CD3E: variants seen among roughly 807,000 people sequenced by gnomAD.
CD3E encodes the protein CD3 epsilon subunit of T-cell receptor complex, also known as T-cell surface glycoprotein CD3 epsilon chain.
Under a neutral mutation model 34.7 loss-of-function variants are expected in CD3E, and 16 were observed. The ratio of observed to expected loss-of-function variants is 0.46; its 90% CI spans 0.31 to 0.70. The LOEUF (loss-of-function observed/expected upper bound fraction) is 0.70, where lower values mean the gene tolerates loss of function less well. CD3E is among the 30% of genes least tolerant of loss of function. CD3E has a pLI of 0.05. For synonymous variants in CD3E, 70 were observed against 90.8 expected, an observed-to-expected ratio of 0.77 and a Z score of 1.30; for missense variants, 223 against 253.9, an observed-to-expected ratio of 0.88 and a Z score of 0.83.
chr11:118,307,009 C>G (rs1948110862), intron 2 of CD3E, among the ~76,000 whole-genome samples: 1 of 152,116 alleles, frequency 6.6e-6, no homozygotes, highest in Non-Finnish European at 1.5e-5. Context: ...AAAAATGGTC[C>G]TAACTTTTTC....
At chr11:118,310,493 T>C (rs1320891983) in intron 4 of CD3E, among the ~76,000 whole-genome samples, 1 of 152,254 alleles carries the variant, frequency 6.6e-6, no homozygotes. Context: ...CCATGGTGTA[T>C]ATGCAGCACA....
At chr11:118,305,541 GATAA>G (rs919444329) in intron 2 of CD3E, among the ~76,000 whole-genome samples, 8 of 152,078 alleles carry the variant, frequency 5.3e-5, no homozygotes, top group African/African-American at 1.9e-4. Flanking sequence ...TCTCATATGA[GATAA>G]ATAATACCAA....
intron 2 of CD3E, 140 bp downstream of exon 2, chr11:118,305,141 AT>A: frequency 1.1e-6 from 1 of 877,734 alleles, no homozygotes. Flanking sequence ...AGGGTGAGGG[AT>A]TAGAGCTGGG....
chr11:118,312,896 C>A, intron 6 of CD3E, 30 bp downstream of exon 6: 2 of 1,613,690 alleles, frequency 1.2e-6, no homozygotes, highest in Non-Finnish European at 1.7e-6. Context: ...CAGGTACCAC[C>A]GGCTCTTTAG....
At chr11:118,313,281 C>A in intron 6 of CD3E, 1 of 339,888 alleles carries the variant, frequency 2.9e-6, no homozygotes, top group Non-Finnish European at 5.6e-6. Context: ...AAAATAATAA[C>A]AATACTTAAC....
intron 4 of CD3E, among the ~76,000 whole-genome samples, chr11:118,310,639 G>A (rs564267978): frequency 1.3e-5 from 2 of 152,282 alleles, no homozygotes; most frequent in Admixed American, 6.5e-5. Context: ...GTGAGCATGA[G>A]TTAAGTCTAA....
At chr11:118,307,455 C>G in intron 3 of CD3E, 147 bp downstream of exon 3, 1 of 689,428 alleles carries the variant, frequency 1.5e-6, no homozygotes, top group Non-Finnish European at 2.5e-6. Context: ...TGACTTTCCT[C>G]ACAAGTCTGG....
intron 5 of CD3E, 103 bp from the exon 6 acceptor site, chr11:118,312,515 G>A (rs1013632479): frequency 1.1e-5 from 15 of 1,335,502 alleles, no homozygotes; most frequent in Non-Finnish European, 1.6e-5. Context: ...CTAAGATCTA[G>A]ATGACAGATG....
In CD3E at chr11:118,305,002, G is replaced by A. The variant is rs147435007; in HGVS notation, c.49+1G>A. The A allele has an allele frequency of 6.2e-7, 1 of 1,613,682 alleles. No individual in the cohort carries two copies. The highest frequency in any genetic ancestry group is 8.5e-7 in the Non-Finnish European group (1 of 1,179,682). ...GTTCTGGGCCTCTGCCTCTTATCAG[G>A]TGAGTAGGATGGAGTGGAAAGGGTG... On this transcript the variant is annotated splice_donor_variant, in intron 2 of 8. Transcript: ENST00000361763. LOFTEE classifies it high-confidence loss of function.
chr11:118,313,538 A>G lies in CD3E; in HGVS notation c.353-169A>G, dbSNP rs1235611450. 4 of 684,274 alleles carry G rather than the reference A, an allele frequency of 5.8e-6. No homozygotes were observed. The East Asian group carries it at 1.1e-4, about 19-fold the overall frequency. 42.4% of individuals were successfully genotyped at this position (684,274 alleles called of 1,614,324 possible). On this transcript the variant is annotated intron_variant, in intron 6 of 8. Coordinates refer to ENST00000361763, the MANE Select transcript of CD3E (RefSeq NM_000733.4). ...TCCAGTGCCTCTACCCACGGCCACC[A>G]CTCTTTGCTTGTCAATGTTGTTCTA...
At chr11:118,314,581 GCCAGATGCCTCA>G in intron 8 of CD3E, 87 bp downstream of exon 8, 1 of 1,234,842 alleles carries the variant, frequency 8.1e-7, no homozygotes, top group East Asian at 2.4e-5. Flanking sequence ...CATCTTGTCT[GCCAGATGCCTCA>G]AAGCCCCTCA....
At chr11:118,306,660 G>T (rs1320825081) in intron 2 of CD3E, among the ~76,000 whole-genome samples, 2 of 151,976 alleles carry the variant, frequency 1.3e-5, no homozygotes, top group Non-Finnish European at 2.9e-5. Flanking sequence ...AAAGGCCTAG[G>T]TGTGCAGAAA....
At chr11:118,312,313 C>A in intron 5 of CD3E, 143 bp downstream of exon 5, 2 of 870,110 alleles carry the variant, frequency 2.3e-6, no homozygotes, top group Non-Finnish European at 3.9e-6. Flanking sequence ...AGAAAGGTTC[C>A]AAATAGGGAC....
intron 4 of CD3E, among the ~76,000 whole-genome samples, chr11:118,310,228 A>G (rs1435215812): frequency 1.3e-5 from 2 of 152,174 alleles, no homozygotes; most frequent in Non-Finnish European, 2.9e-5. Context: ...TCACCCAGGC[A>G]TTAAGCCTGG....
At position 118,315,639 on chromosome 11, in the gene CD3E, G is replaced by GAATC. The variant is rs193922618; in HGVS notation, c.*98_*101dup. ...GGCTAGTCTTGGACCCCACGAGAGA[G>GAATC]AATCGTTCCTCAGCCTCATGGTGAA... On this transcript the variant is annotated 3_prime_UTR_variant, in exon 9 of 9. Coordinates refer to ENST00000361763, the MANE Select transcript of CD3E (RefSeq NM_000733.4). The GAATC allele has an allele frequency of 4.7e-3, 5,072 of 1,085,196 alleles. 20 individuals carry two copies. The highest frequency in any genetic ancestry group is 5.4e-3 in the Non-Finnish European group (3,946 of 725,712). The allele number at this position is 1,085,196 out of a possible 1,614,324, so 67.2% of individuals were successfully genotyped here. A position where few individuals can be genotyped will look rare whatever the true frequency, so the allele number is the denominator to read the frequency against.
intron 4 of CD3E, among the ~76,000 whole-genome samples, chr11:118,309,807 C>A (rs1412093152): frequency 6.6e-6 from 1 of 152,202 alleles, no homozygotes; most frequent in Admixed American, 6.5e-5. Flanking sequence ...AGTAAACAAT[C>A]CAGTCCTGGG....
chr11:118,307,281 T>G lies in CD3E; in HGVS notation c.50-7T>G, dbSNP rs770319998. 1.2e-6 allele frequency: 2 copies of G among 1,605,466 alleles called. No homozygotes were observed. Among genetic ancestry groups the G allele is most frequent in the Non-Finnish European group, 1.7e-6 (2 of 1,172,772 alleles). On this transcript the variant is annotated splice_polypyrimidine_tract_variant and splice_region_variant and intron_variant, in intron 2 of 8. Coordinates refer to ENST00000361763, the MANE Select transcript of CD3E (RefSeq NM_000733.4). ...CTAACACTTTTTTTTTCTTATTTAT[T>G]TTCTAGTTGGCGTTTGGGGGCAAGA...
Position 118,314,410 on chromosome 11 carries a change from C to T in CD3E, c.521-38C>T, listed in dbSNP as rs748628176. The T allele has an allele frequency of 1.8e-5, 28 of 1,595,470 alleles. No individual in the cohort carries two copies. In the African/African-American group the frequency reaches 3.1e-4, roughly 18 times the overall value. On this transcript the variant is annotated intron_variant, in intron 7 of 8. Transcript: ENST00000361763. ...CAGACAGTGCTGCAAGATTGGTTCC[C>T]TCATGGGAATGAAATGTTTCCCCTC...
intron 8 of CD3E, 79 bp downstream of exon 8, chr11:118,314,573 T>A: frequency 7.4e-7 from 1 of 1,350,230 alleles, no homozygotes; most frequent in South Asian, 1.2e-5. Context: ...GGATGGCCCA[T>A]CTTGTCTGCC....
Sources: gnomAD v4.1 joint callset for allele counts (sites outside exome capture counted in the v4.1 genomes callset) on GRCh38, gnomAD v4.1.1 for gene constraint, MANE v1.5 for transcripts, NCBI Gene and HGNC (gene_info 2026-07-23, HGNC 2026-07-21) for gene names.